The following GPC5 variants were observed in gnomAD, a reference collection of about 807,000 sequenced individuals.
GPC5 encodes glypican-5.
A neutral mutation model predicts 53.9 loss-of-function variants in GPC5; 47 were observed. That is an observed-to-expected ratio of 0.87 (90% CI 0.69 to 1.11). The LOEUF (loss-of-function observed/expected upper bound fraction) is 1.11. Ranked by LOEUF, GPC5 falls within the 50% of genes most tolerant of loss-of-function variation. GPC5 has a pLI of 0.00. For missense variants in GPC5, 748 were observed against 713.1 expected, an observed-to-expected ratio of 1.05 and a Z score of -0.56; for synonymous variants, 286 against 263.3, an observed-to-expected ratio of 1.09 and a Z score of -0.84.
At chr13:91,586,097 CA>C (rs1484800628) in intron 2 of GPC5, among the ~76,000 whole-genome samples, 2 of 147,658 alleles carry the variant, frequency 1.4e-5, no homozygotes, top group Non-Finnish European at 3.0e-5. Flanking sequence ...CATTGTCTTG[CA>C]TGTACTGTCC....
At chr13:92,821,755 A>T (rs9561166) in intron 7 of GPC5, among the ~76,000 whole-genome samples, 1 of 152,130 alleles carries the variant, frequency 6.6e-6, no homozygotes, top group Admixed American at 6.6e-5. Context: ...AGAGTTCTAT[A>T]TATCAGTTAA....
chr13:91,638,655 C>A (rs1339080049), intron 2 of GPC5, among the ~76,000 whole-genome samples: 2 of 152,186 alleles, frequency 1.3e-5, no homozygotes, highest in East Asian at 1.9e-4. Context: ...TGTGAGCCAC[C>A]ATGTCCAGCT....
intron 7 of GPC5, among the ~76,000 whole-genome samples, chr13:92,579,739 T>C (rs1204814609): frequency 6.6e-6 from 1 of 152,168 alleles, no homozygotes; most frequent in Admixed American, 6.5e-5. Context: ...GAGATTACCA[T>C]CGTACATCAT....
chr13:91,640,358 T>G (rs1445888549), intron 2 of GPC5, among the ~76,000 whole-genome samples: 2 of 152,184 alleles, frequency 1.3e-5, no homozygotes, highest in Non-Finnish European at 2.9e-5. Context: ...GACATTCATG[T>G]GGCCAAGAAA....
At chr13:92,406,898 G>A (rs1484975482) in intron 7 of GPC5, among the ~76,000 whole-genome samples, 2 of 151,954 alleles carry the variant, frequency 1.3e-5, no homozygotes, top group Non-Finnish European at 2.9e-5. Context: ...CTCAATTACT[G>A]GACACTGAAA....
Position 91,519,001 on chromosome 13 carries a change from A to C in GPC5, c.325+70079A>C, listed in dbSNP as rs187738982. Among the ~76,000 whole-genome samples the C allele has an allele frequency of 1.8e-3, 273 of 152,260 alleles. 2 individuals carry two copies. Among genetic ancestry groups the C allele is most frequent in the African/African-American group, 6.3e-3 (262 of 41,542 alleles). ...TACAACATTTTAATGGCATTTTACT[A>C]TCCTGGAGATCTAGTTTGAAATACG... On this transcript the variant is annotated intron_variant, in intron 2 of 7. Transcript: ENST00000377067.
intron 3 of GPC5, among the ~76,000 whole-genome samples, chr13:91,697,010 T>G (rs1374743648): frequency 6.6e-6 from 1 of 152,198 alleles, no homozygotes; most frequent in Non-Finnish European, 1.5e-5. Context: ...GATGGGGTGA[T>G]GAAATACCAT....
intron 7 of GPC5, among the ~76,000 whole-genome samples, chr13:92,237,260 G>A (rs1926620): frequency 0.29 from 44,160 of 151,902 alleles, 6,826 homozygotes; most frequent in South Asian, 0.44. Flanking sequence ...TCACTCTGTT[G>A]CCAGGCTGGA....
chr13:91,749,881 G>A (rs2037132927), intron 4 of GPC5, among the ~76,000 whole-genome samples: 1 of 152,228 alleles, frequency 6.6e-6, no homozygotes, highest in South Asian at 2.1e-4. Flanking sequence ...CACAGTCTCA[G>A]CTCACTACAA....
chr13:92,680,395 A>G (rs1209779578), intron 7 of GPC5, among the ~76,000 whole-genome samples: 1 of 152,232 alleles, frequency 6.6e-6, no homozygotes, highest in Non-Finnish European at 1.5e-5. Context: ...TTGCAAAAAT[A>G]TGTGCCAGCT....
intron 5 of GPC5, among the ~76,000 whole-genome samples, chr13:91,800,266 A>T (rs2038113225): frequency 6.6e-6 from 1 of 152,146 alleles, no homozygotes; most frequent in South Asian, 2.1e-4. Flanking sequence ...TTGTAAATTT[A>T]TGTACCTGAA....
intron 2 of GPC5, among the ~76,000 whole-genome samples, chr13:91,642,507 G>C (rs1211008153): frequency 6.6e-6 from 1 of 152,102 alleles, no homozygotes; most frequent in East Asian, 1.9e-4. Context: ...GGGTGGGAGT[G>C]TTTCAAGAAT....
chr13:91,723,288 G>C (rs1460927640), intron 3 of GPC5, among the ~76,000 whole-genome samples: 4 of 151,624 alleles, frequency 2.6e-5, no homozygotes, highest in African/African-American at 9.7e-5. Flanking sequence ...GCATCTGAAA[G>C]ATTTTCCTTC....
intron 7 of GPC5, among the ~76,000 whole-genome samples, chr13:92,154,397 A>T (rs2041928689): frequency 6.6e-6 from 1 of 152,190 alleles, no homozygotes; most frequent in African/African-American, 2.4e-5. Context: ...TCAATACAAA[A>T]GTCAATTTCA....
chr13:92,248,781 C>G (rs1262926007), intron 7 of GPC5, among the ~76,000 whole-genome samples: 1 of 152,080 alleles, frequency 6.6e-6, no homozygotes, highest in Non-Finnish European at 1.5e-5. Context: ...ATCAGGAAAA[C>G]TCTTGTTTCA....
intron 7 of GPC5, among the ~76,000 whole-genome samples, chr13:92,280,361 T>A (rs577491683): frequency 3.3e-4 from 51 of 152,258 alleles, no homozygotes; most frequent in African/African-American, 1.2e-3. Flanking sequence ...TTATCTCTTC[T>A]CTAAACTCTA....
intron 7 of GPC5, among the ~76,000 whole-genome samples, chr13:92,614,647 T>C (rs1385608529): frequency 6.6e-6 from 1 of 152,080 alleles, no homozygotes; most frequent in Admixed American, 6.6e-5. Flanking sequence ...GTTAGGAGAG[T>C]AGCAAATTAG....
At chr13:92,808,237 T>C (rs78707332) in intron 7 of GPC5, among the ~76,000 whole-genome samples, 1 of 152,096 alleles carries the variant, frequency 6.6e-6, no homozygotes, top group Admixed American at 6.6e-5. Context: ...ATAGATTTTG[T>C]AATGCTTTGA....
intron 7 of GPC5, among the ~76,000 whole-genome samples, chr13:92,598,135 A>T (rs1883936223): frequency 6.6e-6 from 1 of 152,224 alleles, no homozygotes; most frequent in Non-Finnish European, 1.5e-5. Flanking sequence ...TGACAAGACC[A>T]TTAGTGATGC....
Sources: gnomAD v4.1 joint callset for allele counts (sites outside exome capture counted in the v4.1 genomes callset) on GRCh38, gnomAD v4.1.1 for gene constraint, MANE v1.5 for transcripts, NCBI Gene and HGNC (gene_info 2026-07-23, HGNC 2026-07-21) for gene names.